The following ZDHHC16 variants were observed in gnomAD, a reference collection of about 807,000 sequenced individuals.
ZDHHC16 encodes palmitoyltransferase ZDHHC16.
In ZDHHC16, 33 loss-of-function variants were observed where a neutral mutation model predicts 54.4. That is an observed-to-expected ratio of 0.61 (90% CI 0.46 to 0.81). The LOEUF is 0.81. ZDHHC16 is among the 30% of genes least tolerant of loss of function. ZDHHC16 has a pLI of 0.00. For synonymous variants in ZDHHC16, 185 were observed against 182.1 expected, an observed-to-expected ratio of 1.02 and a Z score of -0.13; for missense variants, 420 against 485.9, an observed-to-expected ratio of 0.86 and a Z score of 1.28.
rs1436029859 is a variant in ZDHHC16 at position 97,457,216 on chromosome 10, T to A, written c.*325T>A. 1 of 175,476 alleles carries A rather than the reference T, an allele frequency of 5.7e-6. No individual in the cohort carries two copies. Among genetic ancestry groups the A allele is most frequent in the Non-Finnish European group, 1.2e-5 (1 of 83,342 alleles). The allele number at this position is 175,476 out of a possible 1,614,324, so 10.9% of individuals were successfully genotyped here. On this transcript the variant is annotated 3_prime_UTR_variant, in exon 12 of 12. Transcript: ENST00000393760. ...TACAGCACTGGAGTTGGCCACCACC[T>A]CTTCTACTTGCTGTCTGAAAAAACA...
intron 2 of ZDHHC16, 21 bp from the exon 3 acceptor site, chr10:97,451,650 C>A: frequency 6.3e-7 from 1 of 1,596,088 alleles, no homozygotes; most frequent in Non-Finnish European, 8.5e-7. Flanking sequence ...ACTAGATCCT[C>A]ACAATGGTGT....
rs548098915 is a variant in ZDHHC16, at chr10:97,452,281, C to G, written c.435C>G (p.Pro145=). ...QAITTPPGYP[P]QGRNDIATVS... ...TCACCACTCCGCCTGGGTACCCACCCCAGGTGGGTCCTCACAGGAGCACTG... is the reference window on the plus strand; with the variant it reads ...TCACCACTCCGCCTGGGTACCCACCGCAGGTGGGTCCTCACAGGAGCACTG... Residue 145 remains proline (P), a synonymous_variant, in exon 4 of 12, where the codon CCC becomes CCG. Coordinates refer to ENST00000393760, the MANE Select transcript of ZDHHC16 (RefSeq NM_198046.3). 2 of 1,614,050 alleles carry G rather than the reference C, an allele frequency of 1.2e-6. No homozygotes were observed. Among genetic ancestry groups the G allele is most frequent in the South Asian group, 2.2e-5 (2 of 91,088 alleles).
In ZDHHC16 at chr10:97,455,955, A is replaced by C. The variant is rs1196825754; in HGVS notation, c.949-19A>C. 3 of 1,613,746 alleles carry C rather than the reference A, an allele frequency of 1.9e-6. No individual in the cohort carries two copies. The highest frequency in any genetic ancestry group is 1.7e-5 in the Admixed American group (1 of 59,900). ...TGAAAAATTAGAAGTTCAAAGAAAC[A>C]TGTTTTTCTTGGCTCCAGGTATTTA... On this transcript the variant is annotated intron_variant, in intron 10 of 11. Transcript: ENST00000393760.
intron 5 of ZDHHC16, 102 bp downstream of exon 5, chr10:97,452,605 A>G: frequency 7.8e-7 from 1 of 1,284,528 alleles, no homozygotes; most frequent in Non-Finnish European, 1.1e-6. Flanking sequence ...TGAATCACCC[A>G]TCGTGTCCCA....
chr10:97,453,458 G>A (rs1481976036), intron 6 of ZDHHC16, 72 bp from the exon 7 acceptor site: 1 of 1,570,760 alleles, frequency 6.4e-7, no homozygotes, highest in African/African-American at 1.4e-5. Context: ...CAGGAACCAG[G>A]GATGAACCTG....
In ZDHHC16 at chr10:97,456,837, C is replaced by T. The variant is rs746793408; in HGVS notation, c.1080C>T (p.Ser360=). ...SSHLPHGNGM[S]WEPPPWVTAH... ...ACTTGCCCCATGGGAATGGAATGAG[C>T]TGGGAGCCCCCTCCCTGGGTGACTG... Residue 360 remains serine, a synonymous_variant, in exon 12 of 12, where the codon AGC becomes AGT. Transcript: ENST00000393760. The T allele has an allele frequency of 1.1e-5, 18 of 1,613,708 alleles. No individual in the cohort carries two copies. The African/African-American group carries it at 2.1e-4, about 19-fold the overall frequency.
chr10:97,452,744 C>A, intron 5 of ZDHHC16, 151 bp from the exon 6 acceptor site: 2 of 1,097,946 alleles, frequency 1.8e-6, no homozygotes, highest in Non-Finnish European at 1.4e-6. Context: ...AGCCATTAAA[C>A]TGCAGAGCTG....
In ZDHHC16 at chr10:97,452,132, G is replaced by A. The variant is rs766126899; in HGVS notation, c.286G>A (p.Ala96Thr). The A allele has an allele frequency of 6.8e-6, 11 of 1,613,862 alleles. No homozygotes were observed. The highest frequency in any genetic ancestry group is 9.3e-6 in the Non-Finnish European group (11 of 1,180,030). ...GATCGTGCTGACAGGCTCCATTGTAGCTATCGCCTACCTGTGTGTCCTGCC... is the reference window on the plus strand; with the variant it reads ...GATCGTGCTGACAGGCTCCATTGTAACTATCGCCTACCTGTGTGTCCTGCC... ...LVIVLTGSIV[A>T]IAYLCVLPLI... Residue 96 changes from alanine (A) to threonine (T), a missense_variant, in exon 4 of 12, where the codon GCT becomes ACT. Transcript: ENST00000393760.
chr10:97,454,901 G>C, intron 9 of ZDHHC16, 102 bp downstream of exon 9: 1 of 974,336 alleles, frequency 1.0e-6, no homozygotes, highest in South Asian at 1.4e-5. Context: ...AACTGCCACT[G>C]CTCTAGTCTA....
At chr10:97,448,752 C>G (rs1467425035) in intron 1 of ZDHHC16, among the ~76,000 whole-genome samples, 2 of 152,144 alleles carry the variant, frequency 1.3e-5, no homozygotes, top group Non-Finnish European at 1.5e-5. Context: ...AGCGAGACTT[C>G]ATCTCAAAAA....
intron 2 of ZDHHC16, 44 bp downstream of exon 2, chr10:97,450,580 T>A (rs1846520340): frequency 6.6e-6 from 1 of 152,254 alleles, no homozygotes; most frequent in African/African-American, 2.4e-5. Flanking sequence ...GCAGAACTGA[T>A]GAAACTGTCA....
rs1306775170 is a variant in ZDHHC16 at position 97,455,324 on chromosome 10, T to C, written c.825-336T>C. On this transcript the variant is annotated intron_variant, in intron 9 of 11. Transcript: ENST00000393760. ...TCTATTCTCCTTTCCACATACTCTC[T>C]TTTCCCTTAACAACAACAGAGATGG... Among the ~76,000 whole-genome samples the C allele has an allele frequency of 2.0e-5, 3 of 152,208 alleles. No individual in the cohort carries two copies. The East Asian group carries it at 5.8e-4, about 29-fold the overall frequency.
At chr10:97,456,478 C>T (rs142840886) in intron 11 of ZDHHC16, 6 of 309,006 alleles carry the variant, frequency 1.9e-5, no homozygotes, top group African/African-American at 6.4e-5. Flanking sequence ...GTTACTGAGG[C>T]GGTAACAATC....
intron 1 of ZDHHC16, among the ~76,000 whole-genome samples, chr10:97,446,990 T>G (rs1846119829): frequency 6.6e-6 from 1 of 152,196 alleles, no homozygotes; most frequent in South Asian, 2.1e-4. Flanking sequence ...AGTACAGGCA[T>G]GAGCCACTGC....
intron 5 of ZDHHC16, 68 bp downstream of exon 5, chr10:97,452,571 A>C (rs1481480591): frequency 1.3e-6 from 2 of 1,516,812 alleles, no homozygotes; most frequent in Non-Finnish European, 1.8e-6. Flanking sequence ...GCAAAACCTA[A>C]CCTTGAGTTT....
At chr10:97,455,382 T>C (rs1326231782) in intron 9 of ZDHHC16, among the ~76,000 whole-genome samples, 1 of 152,246 alleles carries the variant, frequency 6.6e-6, no homozygotes, top group African/African-American at 2.4e-5. Context: ...TAGACTCAAA[T>C]GATCTTCCTA....
intron 2 of ZDHHC16, 133 bp from the exon 3 acceptor site, chr10:97,451,538 C>T (rs1236747920): frequency 7.8e-7 from 1 of 1,274,908 alleles, no homozygotes; most frequent in East Asian, 2.4e-5. Flanking sequence ...TCCTACTTCT[C>T]ACAGTTGGTG....
Position 97,455,668 on chromosome 10 carries a change from C to T in ZDHHC16, c.833C>T (p.Ala278Val). The T allele has an allele frequency of 6.2e-7, 1 of 1,614,220 alleles. No individual in the cohort carries two copies. The highest frequency in any genetic ancestry group is 8.5e-7 in the Non-Finnish European group (1 of 1,180,038). ...CGCCCCTCTTTTCTTAGTTCTGTGG[C>T]ACTTGCCCTGGGTGCCCTAACTGTA... ...VYLWFLCSSV[A>V]LALGALTVWH... The change falls in exon 10 of 12, where the codon GCA (alanine) becomes GTA (valine). Residue 278 changes from alanine (A) to valine (V), a missense_variant. Physicochemically the swap from Ala to Val is moderately conservative, Grantham distance 64. Transcript: ENST00000393760.
In ZDHHC16 at chr10:97,451,691, A is replaced by C; in HGVS notation, c.16A>C (p.Ser6Arg). 3 of 1,611,074 alleles carry C rather than the reference A, an allele frequency of 1.9e-6. No individual in the cohort carries two copies. In the South Asian group the frequency reaches 3.3e-5, roughly 18 times the overall value. Reference protein sequence around the residue: MRGQRSLLLGPARLCL... With the variant: MRGQRRLLLGPARLCL... ...CGTAGGAACCATGCGAGGCCAGCGG[A>C]GCCTGCTGCTGGGCCCGGCCCGCCT... is the stretch of plus-strand genomic sequence containing the variant. The change falls in exon 3 of 12, where the codon AGC (serine) becomes CGC (arginine). Residue 6 changes from serine to arginine, a missense_variant. Coordinates refer to ENST00000393760, the MANE Select transcript of ZDHHC16 (RefSeq NM_198046.3).
Sources: allele counts gnomAD v4.1 joint callset (sites outside exome capture counted in the v4.1 genomes callset), GRCh38; gene constraint gnomAD v4.1.1; transcripts MANE v1.5; gene names NCBI Gene and HGNC (gene_info 2026-07-23, HGNC 2026-07-21).